The following RAB27B variants were observed in gnomAD, a reference collection of about 807,000 sequenced individuals.
The protein encoded by RAB27B is RAB27B, member RAS oncogene family.
In RAB27B, 15 loss-of-function variants were observed where a neutral mutation model predicts 24.6. That is an observed-to-expected ratio of 0.61 (90% confidence interval 0.41 to 0.94). RAB27B has a LOEUF of 0.94. Ranked by LOEUF, RAB27B falls within the 40% of genes least tolerant of loss-of-function variation. RAB27B has a pLI of 0.00. For missense variants in RAB27B, 261 were observed against 266.8 expected (o/e 0.98, Z 0.15); for synonymous variants, 105 against 92.5 (o/e 1.14, Z -0.78).
intron 1 of RAB27B, among the ~76,000 whole-genome samples, chr18:54,868,324 C>T (rs191569831): frequency 6.6e-6 from 1 of 152,110 alleles, no homozygotes; most frequent in Non-Finnish European, 1.5e-5. Context: ...ATATGATGTA[C>T]CTGCTCCCCT....
chr18:54,858,391 T>G (rs1400272718), intron 1 of RAB27B, among the ~76,000 whole-genome samples: 14 of 149,640 alleles, frequency 9.4e-5, no homozygotes, highest in East Asian at 3.9e-4. Context: ...TTTTTTTTTT[T>G]TTTTTTTTTT....
rs2145298538 is a variant in RAB27B at position 54,889,526 on chromosome 18, T to C, written c.*113T>C. 7 of 983,546 alleles carry C rather than the reference T, an allele frequency of 7.1e-6. No homozygotes were observed. Among genetic ancestry groups the C allele is most frequent in the Non-Finnish European group, 1.0e-5 (7 of 693,886 alleles). The allele number at this position is 983,546 out of a possible 1,614,324, so 60.9% of individuals were successfully genotyped here. On this transcript the variant is annotated 3_prime_UTR_variant, in exon 6 of 6. Transcript: ENST00000262094. ...CCACGCACAATGGCATGTCTTTCTT[T>C]TTCTGCCAGAAAATCTATTTTAAGA...
chr18:54,860,419 C>G (rs1196530630), intron 1 of RAB27B, among the ~76,000 whole-genome samples: 1 of 152,112 alleles, frequency 6.6e-6, no homozygotes, highest in African/African-American at 2.4e-5. Context: ...CACTCGTGCA[C>G]ATTCTACCTC....
intron 4 of RAB27B, chr18:54,885,837 G>T: frequency 6.4e-6 from 1 of 155,738 alleles, no homozygotes; most frequent in South Asian, 1.9e-4. Context: ...CTTGGCTTCT[G>T]GGGAGGACTC....
chr18:54,753,441 T>C (rs1907899601), intron 2 of RAB27B, among the ~76,000 whole-genome samples: 1 of 152,190 alleles, frequency 6.6e-6, no homozygotes, highest in Non-Finnish European at 1.5e-5. Flanking sequence ...TCTTCATCTG[T>C]ACATAAGTTT....
At chr18:54,770,628 C>G (rs1347340906) in intron 2 of RAB27B, among the ~76,000 whole-genome samples, 1 of 152,098 alleles carries the variant, frequency 6.6e-6, no homozygotes, top group East Asian at 1.9e-4. Context: ...CACCCCCCAA[C>G]CAACATGGAA....
At chr18:54,748,702 T>C (rs1442617144) in intron 2 of RAB27B, among the ~76,000 whole-genome samples, 1 of 152,192 alleles carries the variant, frequency 6.6e-6, no homozygotes, top group Admixed American at 6.5e-5. Context: ...ACAGTGGTGA[T>C]GGGGTCAAAG....
chr18:54,789,153 G>A (rs934030732), intron 2 of RAB27B, among the ~76,000 whole-genome samples: 1 of 152,170 alleles, frequency 6.6e-6, no homozygotes, highest in African/African-American at 2.4e-5. Flanking sequence ...TACAGGCAGA[G>A]CTGTAAGAAA....
chr18:54,771,153 A>G (rs1342121085), intron 2 of RAB27B, among the ~76,000 whole-genome samples: 2 of 152,216 alleles, frequency 1.3e-5, no homozygotes, highest in African/African-American at 4.8e-5. Flanking sequence ...CTTCTGGCTA[A>G]GGCAGTGACA....
At chr18:54,849,507 TGAG>T (rs1468327109) in intron 1 of RAB27B, among the ~76,000 whole-genome samples, 22 of 152,166 alleles carry the variant, frequency 1.4e-4, no homozygotes, top group Admixed American at 3.9e-4. Flanking sequence ...TCACTTGAGG[TGAG>T]GAGTTCGAGA....
chr18:54,871,223 C>T (rs1012121113), intron 1 of RAB27B, among the ~76,000 whole-genome samples: 1 of 152,174 alleles, frequency 6.6e-6, no homozygotes, highest in Non-Finnish European at 1.5e-5. Flanking sequence ...AAAGAAGCTT[C>T]CCCTTCCCTC....
chr18:54,738,931 C>T (rs1386214202), intron 2 of RAB27B, among the ~76,000 whole-genome samples: 1 of 152,102 alleles, frequency 6.6e-6, no homozygotes, highest in South Asian at 2.1e-4. Context: ...ATTATCACCC[C>T]CCAAATTTCC....
chr18:54,798,919 C>T (rs1909510469), intron 2 of RAB27B, among the ~76,000 whole-genome samples: 1 of 152,122 alleles, frequency 6.6e-6, no homozygotes, highest in Non-Finnish European at 1.5e-5. Flanking sequence ...ACATTAAAAT[C>T]CTCAAGGACA....
At chr18:54,875,082 G>A (rs749286765) in intron 1 of RAB27B, among the ~76,000 whole-genome samples, 15 of 152,040 alleles carry the variant, frequency 9.9e-5, no homozygotes, top group East Asian at 1.9e-4. Flanking sequence ...CAGCACTTTC[G>A]GAAGCTGAAA....
intron 2 of RAB27B, among the ~76,000 whole-genome samples, chr18:54,761,551 T>C (rs954343674): frequency 2.0e-5 from 3 of 152,196 alleles, no homozygotes; most frequent in African/African-American, 7.2e-5. Context: ...GTTATAAACC[T>C]TCATCTCAGT....
At chr18:54,740,686 C>A (rs9958683) in intron 2 of RAB27B, among the ~76,000 whole-genome samples, 8,853 of 152,226 alleles carry the variant, frequency 0.058, 322 homozygotes, top group Admixed American at 0.085. Context: ...CATGCTGGAT[C>A]AGCAACTTTG....
chr18:54,834,726 T>C (rs968945117), intron 1 of RAB27B, among the ~76,000 whole-genome samples: 1 of 151,692 alleles, frequency 6.6e-6, no homozygotes, highest in Admixed American at 6.6e-5. Context: ...GAAGAAGAGA[T>C]AGAAACATAT....
At chr18:54,758,150 A>G (rs1747655589) in intron 2 of RAB27B, among the ~76,000 whole-genome samples, 1 of 152,126 alleles carries the variant, frequency 6.6e-6, no homozygotes, top group South Asian at 2.1e-4. Context: ...GATAATAACC[A>G]AGTGTTTTTC....
intron 1 of RAB27B, among the ~76,000 whole-genome samples, chr18:54,848,701 T>C (rs1258613751): frequency 6.6e-6 from 1 of 152,162 alleles, no homozygotes; most frequent in Non-Finnish European, 1.5e-5. Context: ...TACCAGAATA[T>C]AATGCATTCT....
Sources: gnomAD v4.1 joint callset for allele counts (sites outside exome capture counted in the v4.1 genomes callset) on GRCh38, gnomAD v4.1.1 for gene constraint, MANE v1.5 for transcripts, NCBI Gene and HGNC (gene_info 2026-07-23, HGNC 2026-07-21) for gene names.